ZFP90: variants seen among roughly 807,000 people sequenced by gnomAD.
The protein encoded by ZFP90 is ZFP90 zinc finger protein, also known as zinc finger protein 90 homolog.
A neutral mutation model predicts 60.8 loss-of-function variants in ZFP90; 38 were observed. That is an observed-to-expected ratio of 0.62 (90% CI 0.48 to 0.82). The LOEUF is 0.82. ZFP90 is among the 40% of genes least tolerant of loss of function. The pLI is 0.00. For synonymous variants in ZFP90, 287 were observed against 264.8 expected, an observed-to-expected ratio of 1.08 and a Z score of -0.82; for missense variants, 711 against 759.1, an observed-to-expected ratio of 0.94 and a Z score of 0.74.
In ZFP90 at chr16:68,558,096, G is replaced by A. The variant is rs776435198; in HGVS notation, c.132G>A (p.Leu44=). The A allele has an allele frequency of 3.7e-6, 6 of 1,613,890 alleles. No homozygotes were observed. Among genetic ancestry groups the A allele is most frequent in the Non-Finnish European group, 5.1e-6 (6 of 1,179,914 alleles). ...AQRSLYRDVM[L]ENYSHLVSLG... is the part of the protein sequence containing the mutation. ...GGAGCTTATACAGGGATGTGATGCT[G>A]GAGAACTATAGCCACCTGGTTTCTC... Residue 44 remains leucine (L), a synonymous_variant, in exon 3 of 5, where the codon CTG becomes CTA. Transcript: ENST00000563169.
chr16:68,564,893 G>A lies in ZFP90; in HGVS notation c.*195G>A, dbSNP rs903070021. The A allele has an allele frequency of 3.4e-5, 46 of 1,347,342 alleles. No homozygotes were observed. Among genetic ancestry groups the A allele is most frequent in the Non-Finnish European group, 4.3e-5 (45 of 1,055,290 alleles). 83.5% of individuals were successfully genotyped at this position (1,347,342 alleles called of 1,614,324 possible). On this transcript the variant is annotated 3_prime_UTR_variant, in exon 5 of 5. Coordinates refer to ENST00000563169, the MANE Select transcript of ZFP90 (RefSeq NM_001305203.2). ...TTCTCAGATCTGATTACAGACTAGT[G>A]TAAAAACAGCTACATGTATGTAGCT... is the stretch of plus-strand genomic sequence containing the variant.
intron 2 of ZFP90, among the ~76,000 whole-genome samples, chr16:68,540,874 G>A (rs1172590482): frequency 7.0e-6 from 1 of 143,256 alleles, no homozygotes; most frequent in Non-Finnish European, 1.5e-5. Flanking sequence ...CTTTAAAAGA[G>A]CAGTTTATAG....
At position 68,539,767 on chromosome 16, in the gene ZFP90, C is replaced by G. The variant is rs1223016987; in HGVS notation, c.-26C>G. 3.2e-6 allele frequency: 5 copies of G among 1,575,150 alleles called. No homozygotes were observed. The highest frequency in any genetic ancestry group is 1.8e-5 in the Admixed American group (1 of 55,104). ...TGTCCTTTCTCCCCAGCTCCTGCCCCGGAGCCGGGCCCTGGCGAGGCAGGA... is the reference window on the plus strand; with the variant it reads ...TGTCCTTTCTCCCCAGCTCCTGCCCGGGAGCCGGGCCCTGGCGAGGCAGGA... On this transcript the variant is annotated 5_prime_UTR_variant, in exon 2 of 5. Transcript: ENST00000563169.
chr16:68,572,889 G>A (rs1293921830), intron 2 of ZFP90, among the ~76,000 whole-genome samples: 4 of 152,246 alleles, frequency 2.6e-5, no homozygotes, highest in Admixed American at 2.6e-4. Flanking sequence ...GGAGGGGGCT[G>A]CTGCTGGATT....
At position 68,566,463 on chromosome 16, in the gene ZFP90, G is replaced by A. The variant is rs2152076746; in HGVS notation, c.*1765G>A. On this transcript the variant is annotated 3_prime_UTR_variant, in exon 5 of 5. Coordinates refer to ENST00000563169, the MANE Select transcript of ZFP90 (RefSeq NM_001305203.2). ...GGATTCATTGCCTTTCTCTCATCAT[G>A]GATGGCATGCAGCAGCACCCAAGTA... 1 of 985,486 alleles carries A rather than the reference G, an allele frequency of 1.0e-6. No homozygotes were observed. Among genetic ancestry groups the A allele is most frequent in the African/African-American group, 1.7e-5 (1 of 57,324 alleles). The allele number at this position is 985,486 out of a possible 1,614,324, so 61.0% of individuals were successfully genotyped here. A position where few individuals can be genotyped will look rare whatever the true frequency, so the allele number is the denominator to read the frequency against.
chr16:68,555,350 C>A (rs989423157), intron 2 of ZFP90: 2 of 152,120 alleles, frequency 1.3e-5, no homozygotes, highest in African/African-American at 4.8e-5. Flanking sequence ...AGAAAAATGG[C>A]CCCAGTTTCA....
intron 4 of ZFP90, among the ~76,000 whole-genome samples, chr16:68,558,769 C>T (rs1007101193): frequency 1.3e-5 from 2 of 152,186 alleles, no homozygotes; most frequent in Non-Finnish European, 2.9e-5. Context: ...CTGGTGGCCT[C>T]TGATTCCCTT....
chr16:68,536,887 T>C (rs1177573920), upstream of ZFP90, among the ~76,000 whole-genome samples: 2 of 152,124 alleles, frequency 1.3e-5, no homozygotes, highest in African/African-American at 2.4e-5. Context: ...ATGGCTCTCA[T>C]CACACTCAAA....
At chr16:68,538,773 CGAA>C (rs1567390404), upstream of ZFP90, among the ~76,000 whole-genome samples, 4 of 151,894 alleles carry the variant, frequency 2.6e-5, no homozygotes, top group African/African-American at 9.7e-5. Flanking sequence ...TAAGGGGATA[CGAA>C]GTAATGAAAT....
At position 68,563,992 on chromosome 16, in the gene ZFP90, C is replaced by A; in HGVS notation, c.1205C>A (p.Ala402Asp). ...KPFECSICGR[A>D]FGQSPSLYKH... is the part of the protein sequence containing the mutation. ...TTTGAATGTAGCATATGTGGGAGGG[C>A]TTTTGGTCAGAGCCCATCCCTTTAT... is the stretch of plus-strand genomic sequence containing the variant. The change falls in exon 5 of 5, where the codon GCT becomes GAT. Residue 402 changes from alanine to aspartate, a missense_variant. Physicochemically the swap from Ala to Asp is moderately radical, Grantham distance 126. Around this residue, in one of 5 missense-constraint regions of ZFP90, gnomAD observed 146 missense variants for 201.4 expected, o/e 0.73. Transcript: ENST00000563169. The A allele has an allele frequency of 6.2e-7, 1 of 1,613,986 alleles. No homozygotes were observed. Among genetic ancestry groups the A allele is most frequent in the Non-Finnish European group, 8.5e-7 (1 of 1,179,986 alleles).
intron 2 of ZFP90, 57 bp downstream of exon 2, chr16:68,539,882 C>A: frequency 6.3e-7 from 1 of 1,581,620 alleles, no homozygotes; most frequent in Non-Finnish European, 8.6e-7. Flanking sequence ...ATCCCATCTC[C>A]CAAGGGTGTT....
At chr16:68,536,100 A>C (rs2090958800), upstream of ZFP90, among the ~76,000 whole-genome samples, 1 of 152,268 alleles carries the variant, frequency 6.6e-6, no homozygotes, top group South Asian at 2.1e-4. Context: ...CTTTCTACAC[A>C]AACAGCAGAA....
At chr16:68,557,959 G>A in intron 2 of ZFP90, 39 bp from the exon 3 acceptor site, 3 of 1,611,974 alleles carry the variant, frequency 1.9e-6, no homozygotes, top group Non-Finnish European at 2.5e-6. Context: ...GAACATTTGT[G>A]GGGTTGATCC....
intron 4 of ZFP90, among the ~76,000 whole-genome samples, chr16:68,561,316 A>G (rs2091436657): frequency 6.6e-6 from 1 of 152,188 alleles, no homozygotes; most frequent in African/African-American, 2.4e-5. Context: ...TTATCCTTCT[A>G]TTCCTGCTAA....
chr16:68,572,330 T>C (rs1031879716), intron 2 of ZFP90, among the ~76,000 whole-genome samples: 8 of 152,234 alleles, frequency 5.3e-5, no homozygotes, highest in African/African-American at 1.4e-4. Flanking sequence ...AATGGGGCTT[T>C]TATTTTACTG....
chr16:68,570,841 A>T (rs1486177616), downstream of ZFP90, among the ~76,000 whole-genome samples: 4 of 151,030 alleles, frequency 2.6e-5, no homozygotes, highest in African/African-American at 9.8e-5. Flanking sequence ...CTTATCCTTT[A>T]TTGACAGCTG....
rs1230502511 is a variant in ZFP90, at chr16:68,563,464, T to G, written c.677T>G (p.Leu226Arg). The stretch of plus-strand genomic sequence containing the variant: ...AAAGCCTTTATTCATAGATCATCGC[T>G]TACTAAACATGAGAAAACACATAAA... ...CRKAFIHRSS[L>R]TKHEKTHKGE... Residue 226 changes from leucine (L) to arginine (R), a missense_variant, in exon 5 of 5, where the codon CTT becomes CGT. Leu to Arg is a moderately radical substitution (Grantham distance 102). This residue lies in a region of ZFP90 where 241 missense variants were observed against 247.6 expected (regional missense o/e 0.97). Coordinates refer to ENST00000563169, the MANE Select transcript of ZFP90 (RefSeq NM_001305203.2). The G allele has an allele frequency of 1.2e-6, 2 of 1,614,036 alleles. No individual in the cohort carries two copies. The highest frequency in any genetic ancestry group is 1.7e-6 in the Non-Finnish European group (2 of 1,180,044).
At chr16:68,571,119 C>T (rs976247731), downstream of ZFP90, among the ~76,000 whole-genome samples, 2 of 152,174 alleles carry the variant, frequency 1.3e-5, no homozygotes, top group African/African-American at 4.8e-5. Flanking sequence ...AGTATACATG[C>T]TGTTGAAGGA....
At chr16:68,547,071 C>G (rs13337966) in intron 2 of ZFP90, among the ~76,000 whole-genome samples, 1 of 152,166 alleles carries the variant, frequency 6.6e-6, no homozygotes, top group Non-Finnish European at 1.5e-5. Flanking sequence ...AGGCATTGAA[C>G]TATTGAACGT....
Sources: allele counts gnomAD v4.1 joint callset (sites outside exome capture counted in the v4.1 genomes callset), GRCh38; gene constraint gnomAD v4.1.1; regional missense constraint gnomAD v4.1.1; transcripts MANE v1.5; gene names NCBI Gene and HGNC (gene_info 2026-07-23, HGNC 2026-07-21).